Variants in PER1 observed in about 807,000 individuals in gnomAD.
PER1 encodes period circadian regulator 1, also known as period circadian protein homolog 1.
Under a neutral mutation model 125.9 loss-of-function variants are expected in PER1, and 87 were observed. The observed-to-expected ratio is 0.69, with a 90% CI of 0.58 to 0.83. PER1 has a LOEUF of 0.83. PER1 is among the 40% of genes least tolerant of loss of function. PER1 has a pLI of 0.00. For synonymous variants in PER1, 801 were observed against 714.7 expected, an observed-to-expected ratio of 1.12 and a Z score of -1.93; for missense variants, 1,775 against 1,722.8, an observed-to-expected ratio of 1.03 and a Z score of -0.54.
intron 1 of PER1, 86 bp from the exon 2 acceptor site, chr17:8,150,931 G>C: frequency 2.0e-6 from 1 of 510,672 alleles, no homozygotes; most frequent in Non-Finnish European, 3.4e-6. Flanking sequence ...CCTTCCCCCT[G>C]CCTGGCCTCC....
intron 19 of PER1, 111 bp from the exon 20 acceptor site, chr17:8,142,946 C>T (rs1414138707): frequency 1.2e-6 from 1 of 821,784 alleles, no homozygotes; most frequent in Non-Finnish European, 1.9e-6. Flanking sequence ...GTGGTCTCTG[C>T]TCCCCACTTC....
At chr17:8,147,023 G>T in intron 13 of PER1, 21 bp from the exon 14 acceptor site, 1 of 1,596,176 alleles carries the variant, frequency 6.3e-7, no homozygotes, top group Non-Finnish European at 8.6e-7. Context: ...CAGCACCACA[G>T]TGAGCAGAAC....
Position 8,150,266 on chromosome 17 carries a change from G to A in PER1, c.327C>T (p.Leu109=), listed in dbSNP as rs546666908. ...SPPSSSIAYS[L]LSASSEQDNP... Reference sequence around the variant, plus strand: ...TGTCCTGCTCTGAGCTGGCACTCAGGAGGCTGTAGGCAATGGAACTGCTGG... The same window carrying A: ...TGTCCTGCTCTGAGCTGGCACTCAGAAGGCTGTAGGCAATGGAACTGCTGG... The change falls in exon 3 of 23, where the codon CTC becomes CTT. Residue 109 remains leucine, a synonymous_variant. Transcript: ENST00000317276. 4 of 1,570,258 alleles carry A rather than the reference G, an allele frequency of 2.5e-6. No homozygotes were observed. The highest frequency in any genetic ancestry group is 2.7e-5 in the African/African-American group (2 of 74,038).
Position 8,147,233 on chromosome 17 carries a change from A to T in PER1, c.1629+17T>A. On this transcript the variant is annotated intron_variant, in intron 13 of 22. Transcript: ENST00000317276. ...GGAAAGGGCGATTAGAGGGTGAGGT[A>T]GGAGCAGGTCACTCACTGGCGCAGG... 6.3e-7 allele frequency: 1 copy of T among 1,596,636 alleles called. No individual in the cohort carries two copies. Among genetic ancestry groups the T allele is most frequent in the South Asian group, 1.1e-5 (1 of 88,688 alleles).
chr17:8,140,585 C>A lies in PER1; in HGVS notation c.*483G>T. On this transcript the variant is annotated 3_prime_UTR_variant, in exon 23 of 23. Transcript: ENST00000317276. ...CGCCTGGGTCCCACCTGAGGGGCAG[C>A]ACCAGGGACTCCATGGTCCACCAAC... is the stretch of plus-strand genomic sequence containing the variant. 1 of 237,054 alleles carries A rather than the reference C, an allele frequency of 4.2e-6. No individual in the cohort carries two copies. The highest frequency in any genetic ancestry group is 8.3e-6 in the Non-Finnish European group (1 of 119,990). 14.7% of individuals were successfully genotyped at this position (237,054 alleles called of 1,614,324 possible). A position where few individuals can be genotyped will look rare whatever the true frequency, so the allele number is the denominator to read the frequency against.
chr17:8,144,169 G>C (rs1417493877), intron 18 of PER1: 1 of 485,638 alleles, frequency 2.1e-6, no homozygotes, highest in Non-Finnish European at 3.7e-6. Flanking sequence ...AGGAAGCAGG[G>C]TGAGTCCATG....
chr17:8,141,212 G>GCCACCGCTGCTGCCCTGCTCGCCT lies in PER1; in HGVS notation c.3705_3728dup (p.Glu1237_Gly1244dup), dbSNP rs761495064. 6.2e-7 allele frequency: 1 copy of GCCACCGCTGCTGCCCTGCTCGCCT among 1,614,068 alleles called. No individual in the cohort carries two copies. Among genetic ancestry groups the GCCACCGCTGCTGCCCTGCTCGCCT allele is most frequent in the African/African-American group, 1.3e-5 (1 of 75,024 alleles). ...CGCAGCCCTCTCCCTCACCACTGCC[G>GCCACCGCTGCTGCCCTGCTCGCCT]CCACCGCTGCTGCCCTGCTCGCCTC... On this transcript the variant is annotated inframe_insertion, in exon 23 of 23. Transcript: ENST00000317276.
chr17:8,148,156 C>T (rs780079410), intron 9 of PER1, 25 bp downstream of exon 9: 19 of 1,612,798 alleles, frequency 1.2e-5, no homozygotes, highest in South Asian at 2.2e-5. Flanking sequence ...TGGCTGCCCT[C>T]GTCTCCTCTA....
Position 8,143,362 on chromosome 17 carries a change from G to T in PER1, c.2976C>A (p.Leu992=). 6.2e-7 allele frequency: 1 copy of T among 1,613,098 alleles called. No individual in the cohort carries two copies. The highest frequency in any genetic ancestry group is 8.5e-7 in the Non-Finnish European group (1 of 1,179,522). ...CAACAGCAGCCCCCTCAGCACGGGG[G>T]AGCTCCTCCAGCTGCAGCAGATTGA... is the stretch of plus-strand genomic sequence containing the variant. ...LQLNLLQLEE[L]PRAEGAAVAG... Residue 992 remains leucine (L), a synonymous_variant, in exon 19 of 23, where the codon CTC becomes CTA. Transcript: ENST00000317276.
intron 22 of PER1, 125 bp downstream of exon 22, chr17:8,141,680 G>A (rs2151858766): frequency 9.2e-7 from 1 of 1,081,306 alleles, no homozygotes; most frequent in East Asian, 2.7e-5. Flanking sequence ...ATCAGCTCTT[G>A]GCCTCGATCC....
chr17:8,151,868 A>C lies in PER1; in HGVS notation c.-140+469T>G, dbSNP rs554515991. Among the ~76,000 whole-genome samples the C allele has an allele frequency of 8.5e-5, 13 of 152,218 alleles. No homozygotes were observed. In the South Asian group the frequency reaches 2.7e-3, roughly 32 times the overall value. On this transcript the variant is annotated intron_variant, in intron 1 of 22. Coordinates refer to ENST00000317276, the MANE Select transcript of PER1 (RefSeq NM_002616.3). Reference sequence around the variant, plus strand: ...TACTACTGAGCATTTTCTGAGCGCCAGGGGAAAAGGGAAGGTTGTGGCCAA... The same window carrying C: ...TACTACTGAGCATTTTCTGAGCGCCCGGGGAAAAGGGAAGGTTGTGGCCAA...
At position 8,149,607 on chromosome 17, in the gene PER1, C is replaced by T. The variant is rs750651379; in HGVS notation, c.708G>A (p.Glu236=). The T allele has an allele frequency of 4.3e-6, 7 of 1,612,976 alleles. No individual in the cohort carries two copies. In the South Asian group the frequency reaches 7.7e-5, roughly 18 times the overall value. ...TGCAACGCAGCAGGACGGCTGCCTGCTCCGAAATGTAGACGATTCGGCCCG... is the reference window on the plus strand; with the variant it reads ...TGCAACGCAGCAGGACGGCTGCCTGTTCCGAAATGTAGACGATTCGGCCCG... ...FLTGRIVYIS[E]QAAVLLRCKR... The change falls in exon 6 of 23, where the codon GAG becomes GAA. Residue 236 remains glutamate, a synonymous_variant. Transcript: ENST00000317276.
In PER1 at chr17:8,143,339, A is replaced by G. The variant is rs374656866; in HGVS notation, c.2999T>C (p.Val1000Ala). The change falls in exon 19 of 23, where the codon GTT becomes GCT. Residue 1000 changes from valine to alanine, a missense_variant. Coordinates refer to ENST00000317276, the MANE Select transcript of PER1 (RefSeq NM_002616.3). The part of the protein sequence containing the change: ...EELPRAEGAA[V>A]AGGPGSSAGP... ...GGCACTGCTCCCAGGGCCTCCTGCA[A>G]CAGCAGCCCCCTCAGCACGGGGGAG... is the stretch of plus-strand genomic sequence containing the variant. 7.5e-6 allele frequency: 12 copies of G among 1,608,944 alleles called. No individual in the cohort carries two copies. The highest frequency in any genetic ancestry group is 1.0e-5 in the Non-Finnish European group (12 of 1,177,514).
intron 21 of PER1, 117 bp downstream of exon 21, chr17:8,142,152 G>T: frequency 9.0e-7 from 1 of 1,116,684 alleles, no homozygotes; most frequent in Non-Finnish European, 1.3e-6. Context: ...GCTCCAAGGA[G>T]CAGGAAGAAA....
intron 17 of PER1, among the ~76,000 whole-genome samples, chr17:8,145,397 C>T (rs984772434): frequency 2.7e-5 from 4 of 148,198 alleles, no homozygotes; most frequent in African/African-American, 1.0e-4. Flanking sequence ...GATCTCAGCT[C>T]ACTGCAACCA....
In PER1 at chr17:8,150,861, A is replaced by G; in HGVS notation, c.-139-16T>C. 1 of 652,460 alleles carries G rather than the reference A, an allele frequency of 1.5e-6. No individual in the cohort carries two copies. 40.4% of individuals were successfully genotyped at this position (652,460 alleles called of 1,614,324 possible). The stretch of plus-strand genomic sequence containing the variant: ...CAGCCAGTACCTGGAGAGGGAGACC[A>G]GGAAGCAGGGCTTGCAGAAAGCTGG... On this transcript the variant is annotated splice_polypyrimidine_tract_variant and intron_variant, in intron 1 of 22. Transcript: ENST00000317276.
At chr17:8,148,538 T>C in intron 8 of PER1, 106 bp downstream of exon 8, 1 of 1,354,946 alleles carries the variant, frequency 7.4e-7, no homozygotes. Flanking sequence ...GCTTTTCTTG[T>C]TCCAAAATTC....
At position 8,147,592 on chromosome 17, in the gene PER1, A is replaced by G. The variant is rs1406237884; in HGVS notation, c.1389-14T>C. ...TTCAGGGGGGCCCTGTAGAGTGAAG[A>G]GTGAATCCAGCCCTGGCCCGGTCCT... On this transcript the variant is annotated splice_polypyrimidine_tract_variant and intron_variant, in intron 11 of 22. Transcript: ENST00000317276. 1 of 1,613,288 alleles carries G rather than the reference A, an allele frequency of 6.2e-7. No individual in the cohort carries two copies. The highest frequency in any genetic ancestry group is 1.1e-5 in the South Asian group (1 of 91,076).
rs1291989115 is a variant in PER1, at chr17:8,148,587, C to T, written c.1048+57G>A. 3 of 1,537,676 alleles carry T rather than the reference C, an allele frequency of 2.0e-6. No individual in the cohort carries two copies. The African/African-American group carries it at 4.2e-5, about 21-fold the overall frequency. ...CATGCCTCCCAAATTCATGTCTGGC[C>T]ATGAGGAAATGTCCTTCCTCCCAGC... On this transcript the variant is annotated intron_variant, in intron 8 of 22. Transcript: ENST00000317276.
Sources: gnomAD v4.1 joint callset for allele counts (sites outside exome capture counted in the v4.1 genomes callset) on GRCh38, gnomAD v4.1.1 for gene constraint, MANE v1.5 for transcripts, NCBI Gene and HGNC (gene_info 2026-07-23, HGNC 2026-07-21) for gene names.